The following PDZD2 variants were observed in gnomAD, a reference collection of about 807,000 sequenced individuals.
PDZD2 encodes the protein PDZ domain containing 2.
A neutral mutation model predicts 220.7 loss-of-function variants in PDZD2; 90 were observed. The observed-to-expected ratio is 0.41, with a 90% confidence interval of 0.34 to 0.49. The LOEUF (loss-of-function observed/expected upper bound fraction) is 0.49, where lower values mean the gene tolerates loss of function less well. PDZD2 is among the 20% of genes least tolerant of loss of function. PDZD2 has a pLI of 0.28. For synonymous variants in PDZD2, 1,375 were observed against 1,450.5 expected (o/e 0.95, Z 1.18); for missense variants, 3,174 against 3,608.5 (o/e 0.88, Z 3.08).
At chr5:31,711,061 C>G (rs964648215) in intron 1 of PDZD2, among the ~76,000 whole-genome samples, 4 of 152,154 alleles carry the variant, frequency 2.6e-5, no homozygotes, top group Non-Finnish European at 5.9e-5. Flanking sequence ...TCCCAGCTGC[C>G]GAGTCTCTCT....
At chr5:31,862,448 A>G (rs963862751) in intron 2 of PDZD2, among the ~76,000 whole-genome samples, 2 of 152,048 alleles carry the variant, frequency 1.3e-5, no homozygotes, top group Non-Finnish European at 2.9e-5. Context: ...CATTGAGTTG[A>G]AGGACCATAA....
chr5:31,795,817 T>A (rs913174753), intron 1 of PDZD2, among the ~76,000 whole-genome samples: 1 of 152,074 alleles, frequency 6.6e-6, no homozygotes, highest in African/African-American at 2.4e-5. Context: ...CCCAGGCAAA[T>A]GGGTTGATAG....
At chr5:31,797,497 G>A (rs1754117942) in intron 1 of PDZD2, among the ~76,000 whole-genome samples, 1 of 151,744 alleles carries the variant, frequency 6.6e-6, no homozygotes, top group Non-Finnish European at 1.5e-5. Flanking sequence ...ACCACACCGA[G>A]CTAATTTTTG....
At position 31,887,789 on chromosome 5, in the gene PDZD2, C is replaced by T. The variant is rs142600678; in HGVS notation, c.476+88065C>T. 4.2e-3 allele frequency among the ~76,000 whole-genome samples: 635 copies of T among 150,736 alleles called. 2 individuals are homozygous for T. The highest frequency in any genetic ancestry group is 0.015 in the African/African-American group (596 of 40,930). On this transcript the variant is annotated intron_variant, in intron 2 of 24. Coordinates refer to ENST00000438447, the MANE Select transcript of PDZD2 (RefSeq NM_178140.4). Reference sequence around the variant, plus strand: ...TGCCCTGTGTCTCAAAACTGTCCTACGCTTTGCTTTCAGTCATCAGTTTTA... The same window carrying T: ...TGCCCTGTGTCTCAAAACTGTCCTATGCTTTGCTTTCAGTCATCAGTTTTA...
At chr5:31,800,195 A>G (rs1754312548) in intron 2 of PDZD2, among the ~76,000 whole-genome samples, 2 of 152,224 alleles carry the variant, frequency 1.3e-5, no homozygotes, top group South Asian at 4.1e-4. Context: ...TCACAAACTC[A>G]GAAAAGCAGT....
At chr5:31,915,902 T>G (rs977339930) in intron 2 of PDZD2, among the ~76,000 whole-genome samples, 6 of 152,228 alleles carry the variant, frequency 3.9e-5, no homozygotes, top group African/African-American at 1.4e-4. Context: ...TTGGGAGCCT[T>G]TTGTTTTTAA....
Position 32,042,952 on chromosome 5 carries a change from T to G in PDZD2, c.1520-5587T>G, listed in dbSNP as rs570633910. On this transcript the variant is annotated intron_variant, in intron 7 of 24. Transcript: ENST00000438447. ...AAACCAGCGAGGTCACATTCCTCAT[T>G]TTATGGATGAGACCAGAGAAGTTCA... Among the ~76,000 whole-genome samples the G allele has an allele frequency of 1.8e-4, 27 of 152,246 alleles. No homozygotes were observed. In the South Asian group the frequency reaches 5.6e-3, roughly 32 times the overall value.
rs1260504933 is a variant in PDZD2 at position 32,097,290 on chromosome 5, T to C, written c.7857T>C (p.Asp2619=). 27 of 1,606,594 alleles carry C rather than the reference T, an allele frequency of 1.7e-5. No homozygotes were observed. Among genetic ancestry groups the C allele is most frequent in the East Asian group, 2.2e-5 (1 of 44,866 alleles). Residue 2619 remains aspartate (D), a synonymous_variant, in exon 22 of 25, where the codon GAT becomes GAC. Coordinates refer to ENST00000438447, the MANE Select transcript of PDZD2 (RefSeq NM_178140.4). ...EAKAQSENEE[D]VCFIVLNRKE... Reference sequence around the variant, plus strand: ...TTTGTTTTCACTAGAATGAAGAAGATGTTTGCTTCATAGTCTTGAATAGAA... The same window carrying C: ...TTTGTTTTCACTAGAATGAAGAAGACGTTTGCTTCATAGTCTTGAATAGAA...
At chr5:31,823,699 G>A (rs1384531881) in intron 2 of PDZD2, among the ~76,000 whole-genome samples, 2 of 152,162 alleles carry the variant, frequency 1.3e-5, no homozygotes, top group Non-Finnish European at 2.9e-5. Context: ...CAAGCGGTGA[G>A]CTTGGAAGAT....
At chr5:31,891,784 G>C (rs1243755848) in intron 2 of PDZD2, among the ~76,000 whole-genome samples, 1 of 152,198 alleles carries the variant, frequency 6.6e-6, no homozygotes, top group Non-Finnish European at 1.5e-5. Context: ...GCCTCACCCT[G>C]TGCCCAGATC....
chr5:32,068,117 G>A (rs1478947992), intron 14 of PDZD2, among the ~76,000 whole-genome samples: 1 of 150,334 alleles, frequency 6.7e-6, no homozygotes, highest in Non-Finnish European at 1.5e-5. Flanking sequence ...CACTGAGAAG[G>A]AAATCATTCT....
At chr5:31,909,543 C>G (rs1742988761) in intron 2 of PDZD2, among the ~76,000 whole-genome samples, 1 of 151,720 alleles carries the variant, frequency 6.6e-6, no homozygotes, top group Admixed American at 6.6e-5. Flanking sequence ...GAATATAAAC[C>G]CCATACATAA....
rs929652955 is a variant in PDZD2 at position 31,799,146 on chromosome 5, C to T, written c.-103C>T. On this transcript the variant is annotated 5_prime_UTR_variant, in exon 2 of 25. Coordinates refer to ENST00000438447, the MANE Select transcript of PDZD2 (RefSeq NM_178140.4). ...CTGCCAGCCTGAACATGAACACAGG[C>T]AAAGCTGATGATGGCCAGGGACCCC... 4 of 707,800 alleles carry T rather than the reference C, an allele frequency of 5.7e-6. No homozygotes were observed. The highest frequency in any genetic ancestry group is 5.4e-5 in the African/African-American group (3 of 55,626). 43.8% of individuals were successfully genotyped at this position (707,800 alleles called of 1,614,324 possible). A position where few individuals can be genotyped will look rare whatever the true frequency, so the allele number is the denominator to read the frequency against.
In PDZD2 at chr5:32,048,523, CCT is replaced by C. The variant is rs1350106773; in HGVS notation, c.1520-13_1520-12del. The C allele has an allele frequency of 1.2e-6, 2 of 1,610,144 alleles. No homozygotes were observed. Among genetic ancestry groups the C allele is most frequent in the Middle Eastern group, 1.7e-4 (1 of 6,052 alleles). ...TGTCCCATATCAAACTATGTTTTCT[CCT>C]CTGTTTTCTCAAGGGGGTGTACACC... On this transcript the variant is annotated splice_polypyrimidine_tract_variant and intron_variant, in intron 7 of 24. Transcript: ENST00000438447.
Position 31,883,800 on chromosome 5 carries a change from C to T in PDZD2, c.476+84076C>T, listed in dbSNP as rs545631252. 1.6e-3 allele frequency among the ~76,000 whole-genome samples: 240 copies of T among 152,182 alleles called. 2 individuals are homozygous for T. Among genetic ancestry groups the T allele is most frequent in the Non-Finnish European group, 2.9e-3 (199 of 67,986 alleles). ...TATTTTTAGTAGGGGTGAGGTTTCG[C>T]TGTGTTGGCCAGGATGGTCTGGAAC... On this transcript the variant is annotated intron_variant, in intron 2 of 24. Coordinates refer to ENST00000438447, the MANE Select transcript of PDZD2 (RefSeq NM_178140.4).
chr5:31,709,161 C>G (rs1371499437), intron 1 of PDZD2, among the ~76,000 whole-genome samples: 1 of 152,160 alleles, frequency 6.6e-6, no homozygotes, highest in Non-Finnish European at 1.5e-5. Flanking sequence ...GCTGGGATTA[C>G]AGGCATAAGC....
At chr5:31,949,290 G>T (rs1294426407) in intron 2 of PDZD2, among the ~76,000 whole-genome samples, 1 of 151,774 alleles carries the variant, frequency 6.6e-6, no homozygotes, top group African/African-American at 2.4e-5. Context: ...TCATCCTCAT[G>T]TGTGACCCAA....
intron 2 of PDZD2, among the ~76,000 whole-genome samples, chr5:31,860,332 G>A (rs929152910): frequency 3.9e-5 from 6 of 152,076 alleles, no homozygotes; most frequent in Admixed American, 6.6e-5. Flanking sequence ...TTCCAGAGGC[G>A]CTCTAGGGCA....
At chr5:31,889,803 T>G (rs1158351240) in intron 2 of PDZD2, among the ~76,000 whole-genome samples, 1 of 152,134 alleles carries the variant, frequency 6.6e-6, no homozygotes, top group Non-Finnish European at 1.5e-5. Flanking sequence ...GCAGATCTTT[T>G]GAGGTCAGGA....
Sources: allele counts gnomAD v4.1 joint callset (sites outside exome capture counted in the v4.1 genomes callset), GRCh38; gene constraint gnomAD v4.1.1; transcripts MANE v1.5; gene names NCBI Gene and HGNC (gene_info 2026-07-23, HGNC 2026-07-21).